Variants in TENM2 observed in about 807,000 individuals in gnomAD.
TENM2 encodes teneurin-2.
A neutral mutation model predicts 245.2 loss-of-function variants in TENM2; 52 were observed. The ratio of observed to expected loss-of-function variants is 0.21; its 90% CI spans 0.17 to 0.27. TENM2 has a LOEUF of 0.27. Among genes scored for constraint, TENM2 ranks in the 10% least tolerant of loss-of-function variants. The pLI is 1.00. For synonymous variants in TENM2, 1,363 were observed against 1,438.9 expected (o/e 0.95, Z 1.19); for missense variants, 3,046 against 3,666.8 (o/e 0.83, Z 4.37).
chr5:168,113,115 G>A (rs914564289), intron 9 of TENM2, among the ~76,000 whole-genome samples: 3 of 152,090 alleles, frequency 2.0e-5, no homozygotes, highest in Admixed American at 6.6e-5. Context: ...TGAGGACTTC[G>A]AGTCCAGACA....
chr5:167,218,254 G>A, the TENM2 span, among the ~76,000 whole-genome samples: 10 of 152,152 alleles, frequency 6.6e-5, no homozygotes, highest in Admixed American at 3.9e-4. Flanking sequence ...AATGATTGTT[G>A]TCTTAAAATC....
chr5:167,201,424 A>G, the TENM2 span, among the ~76,000 whole-genome samples: 1 of 152,228 alleles, frequency 6.6e-6, no homozygotes, highest in Non-Finnish European at 1.5e-5. Context: ...CAGAAAATAG[A>G]GAAGTTCCAG....
chr5:167,135,016 G>T, the TENM2 span, among the ~76,000 whole-genome samples: 3 of 152,206 alleles, frequency 2.0e-5, no homozygotes, highest in African/African-American at 7.2e-5. Flanking sequence ...ACATTTTGAA[G>T]TGTGTGCGGT....
chr5:168,020,315 G>A (rs1050526057), intron 5 of TENM2, among the ~76,000 whole-genome samples: 8 of 152,170 alleles, frequency 5.3e-5, no homozygotes, highest in African/African-American at 1.9e-4. Flanking sequence ...CCAAAACCCA[G>A]ACCCTTAGAC....
chr5:167,353,111 T>G (rs1759032565), intron 1 of TENM2, among the ~76,000 whole-genome samples: 3 of 152,190 alleles, frequency 2.0e-5, no homozygotes, highest in African/African-American at 7.2e-5. Flanking sequence ...GAGGGAGGCT[T>G]GCCCGAAACC....
At chr5:167,750,002 G>A (rs1248055710) in intron 2 of TENM2, among the ~76,000 whole-genome samples, 1 of 152,076 alleles carries the variant, frequency 6.6e-6, no homozygotes, top group Non-Finnish European at 1.5e-5. Context: ...TTGACCAGGT[G>A]TATTAGACTT....
chr5:167,479,275 C>T (rs1167144101), intron 2 of TENM2, among the ~76,000 whole-genome samples: 1 of 152,148 alleles, frequency 6.6e-6, no homozygotes, highest in Middle Eastern at 3.2e-3. Flanking sequence ...CTAAACTACT[C>T]AGTTAAATTG....
At chr5:167,438,681 G>A (rs1764713236) in intron 2 of TENM2, among the ~76,000 whole-genome samples, 1 of 152,214 alleles carries the variant, frequency 6.6e-6, no homozygotes, top group Non-Finnish European at 1.5e-5. Context: ...ATAGGCATGA[G>A]CCACCGCATC....
chr5:167,765,139 T>C (rs1391214297), intron 2 of TENM2, among the ~76,000 whole-genome samples: 1 of 152,122 alleles, frequency 6.6e-6, no homozygotes, highest in Non-Finnish European at 1.5e-5. Context: ...GTCACTATGC[T>C]CACTGAAAGA....
intron 1 of TENM2, among the ~76,000 whole-genome samples, chr5:167,362,773 A>T (rs868396971): frequency 6.6e-6 from 1 of 152,220 alleles, no homozygotes; most frequent in Admixed American, 6.5e-5. Flanking sequence ...TTAACTAAAA[A>T]CTGCATTTTA....
At chr5:167,427,647 G>A (rs1245878084) in intron 2 of TENM2, among the ~76,000 whole-genome samples, 14 of 60,354 alleles carry the variant, frequency 2.3e-4, no homozygotes, top group Non-Finnish European at 3.1e-4. Context: ...GGAAGGGAAG[G>A]AAGGGACGGG....
At chr5:167,637,887 G>T (rs959017006) in intron 2 of TENM2, among the ~76,000 whole-genome samples, 2 of 151,806 alleles carry the variant, frequency 1.3e-5, no homozygotes, top group Admixed American at 1.3e-4. Flanking sequence ...CTAGATGACG[G>T]TTTAATAGGT....
chr5:166,995,087 T>C, the TENM2 span, among the ~76,000 whole-genome samples: 9 of 151,910 alleles, frequency 5.9e-5, no homozygotes, highest in Non-Finnish European at 1.0e-4. Context: ...TCAGAGAGGT[T>C]GCTATATTTC....
chr5:168,140,753 G>T (rs1048854719), intron 12 of TENM2, among the ~76,000 whole-genome samples: 1 of 152,186 alleles, frequency 6.6e-6, no homozygotes, highest in African/African-American at 2.4e-5. Context: ...AATTTGTGCT[G>T]CTTGGGAACC....
chr5:167,976,345 G>C (rs899491737), intron 4 of TENM2, among the ~76,000 whole-genome samples: 3 of 151,690 alleles, frequency 2.0e-5, no homozygotes, highest in Admixed American at 6.6e-5. Flanking sequence ...TGAGAAGAAG[G>C]GTATATATAT....
In TENM2 at chr5:167,495,991, A is replaced by G. The variant is rs574573436; in HGVS notation, c.502+120518A>G. On this transcript the variant is annotated intron_variant, in intron 2 of 28. Coordinates refer to ENST00000518659, the Ensembl canonical transcript of TENM2. The stretch of plus-strand genomic sequence containing the variant: ...ATTCTCTCATGCTTTCCTCTACCAT[A>G]TACAAAACCAGAATGAAGAAAATTC... Among the ~76,000 whole-genome samples, 163 of 152,176 alleles carry G rather than the reference A, an allele frequency of 1.1e-3. 3 individuals are homozygous for G. The highest frequency in any genetic ancestry group is 3.4e-3 in the Middle Eastern group (1 of 294).
At chr5:167,043,749 C>T in the TENM2 span, among the ~76,000 whole-genome samples, 72 of 152,146 alleles carry the variant, frequency 4.7e-4, no homozygotes, top group Admixed American at 2.7e-3. Flanking sequence ...CGGTGGCTCA[C>T]GCCTGTAATC....
intron 2 of TENM2, among the ~76,000 whole-genome samples, chr5:167,451,811 G>A (rs1459278924): frequency 6.6e-6 from 1 of 152,046 alleles, no homozygotes; most frequent in African/African-American, 2.4e-5. Flanking sequence ...ACCACGCCCG[G>A]CTAATTTTTT....
chr5:167,105,495 A>G, the TENM2 span, among the ~76,000 whole-genome samples: 1 of 152,210 alleles, frequency 6.6e-6, no homozygotes, highest in Non-Finnish European at 1.5e-5. Flanking sequence ...CTAGTTAAAC[A>G]TAATTTTAGA....
Sources: gnomAD v4.1 joint callset for allele counts (sites outside exome capture counted in the v4.1 genomes callset) on GRCh38, gnomAD v4.1.1 for gene constraint, MANE v1.5 for transcripts, NCBI Gene and HGNC (gene_info 2026-07-23, HGNC 2026-07-21) for gene names.